Variants in KMT2D observed in about 807,000 individuals in gnomAD.
The protein encoded by KMT2D is lysine methyltransferase 2D.
Under a neutral mutation model 512.7 loss-of-function variants are expected in KMT2D, and 55 were observed. The observed-to-expected ratio is 0.11, with a 90% CI of 0.09 to 0.13. The LOEUF (loss-of-function observed/expected upper bound fraction) is 0.13, where lower values mean the gene tolerates loss of function less well. Among genes scored for constraint, KMT2D ranks in the 10% least tolerant of loss-of-function variants. KMT2D has a pLI of 1.00. For missense variants in KMT2D, 6,061 were observed against 7,127.9 expected (o/e 0.85, Z 5.39); for synonymous variants, 2,995 against 2,904.0 (o/e 1.03, Z -1.01).
chr12:49,019,222 A>C lies in KMT2D; in HGVS notation c.*2558T>G. The C allele has an allele frequency of 2.1e-6, 2 of 963,928 alleles. No individual in the cohort carries two copies. The highest frequency in any genetic ancestry group is 1.7e-5 in the African/African-American group (1 of 58,784). The allele number at this position is 963,928 out of a possible 1,614,324, so 59.7% of individuals were successfully genotyped here. On this transcript the variant is annotated 3_prime_UTR_variant, in exon 55 of 55. Transcript: ENST00000301067. ...TACAGGATACACACAACACAAAATA[A>C]AGTCTTCACGGGATTCACACTTGTC...
Position 49,032,152 on chromosome 12 carries a change from G to A in KMT2D, c.12553C>T (p.Leu4185=), listed in dbSNP as rs1008414443. The A allele has an allele frequency of 1.2e-6, 2 of 1,613,514 alleles. No homozygotes were observed. Among genetic ancestry groups the A allele is most frequent in the Non-Finnish European group, 1.7e-6 (2 of 1,179,574 alleles). ...PGPVLQSGQG[L]PGVGIMPTVG... ...GTAGGCATGATTCCAACCCCAGGCA[G>A]ACCCTGCCCAGACTGGAGGACAGGT... Residue 4185 remains leucine, a synonymous_variant, in exon 40 of 55, where the codon CTG becomes TTG. Coordinates refer to ENST00000301067, the MANE Select transcript of KMT2D (RefSeq NM_003482.4).
Position 49,032,015 on chromosome 12 carries a change from C to T in KMT2D, c.12690G>A (p.Gln4230=), listed in dbSNP as rs766040200. ...QQLQALLMQR[Q]LQQSQAVRQT... is the part of the protein sequence containing the mutation. ...GGCGTACTGCCTGACTCTGCTGCAG[C>T]TGCCGCTGCATGAGGAGTGCCTGTA... Residue 4230 remains glutamine, a synonymous_variant, in exon 40 of 55, where the codon CAG becomes CAA. Transcript: ENST00000301067. 6.2e-7 allele frequency: 1 copy of T among 1,608,036 alleles called. No individual in the cohort carries two copies. The highest frequency in any genetic ancestry group is 8.5e-7 in the Non-Finnish European group (1 of 1,176,166).
At position 49,022,611 on chromosome 12, in the gene KMT2D, C is replaced by G. The variant is rs1565753552; in HGVS notation, c.16317G>C (p.Arg5439=). The G allele has an allele frequency of 1.2e-6, 2 of 1,613,784 alleles. No homozygotes were observed. The highest frequency in any genetic ancestry group is 2.2e-5 in the South Asian group (2 of 91,072). ...ATACCTGCTCTTCGTAGATTTTCTC[C>G]CGCCGGTTGGCCACCTCGTTCCGAA... ...TIIRNEVANR[R]EKIYEEQNRG... The change falls in exon 52 of 55, where the codon CGG becomes CGC. Residue 5439 remains arginine (R), a synonymous_variant. Coordinates refer to ENST00000301067, the MANE Select transcript of KMT2D (RefSeq NM_003482.4). This position sits in a 1 kb window ranked among gnomAD's most constrained non-coding sequence, Gnocchi z 8.6.
Position 49,041,207 on chromosome 12 carries a change from C to A in KMT2D, c.6563G>T (p.Arg2188Leu), listed in dbSNP as rs541122919. 4 of 1,511,884 alleles carry A rather than the reference C, an allele frequency of 2.6e-6. No individual in the cohort carries two copies. In the Admixed American group the frequency reaches 7.0e-5, roughly 26 times the overall value. 93.7% of individuals were successfully genotyped at this position (1,511,884 alleles called of 1,614,324 possible). Residue 2188 changes from arginine (R) to leucine (L), a missense_variant, in exon 32 of 55, where the codon CGC (arginine) becomes CTC (leucine). Physicochemically the swap from Arg to Leu is moderately radical, Grantham distance 102. Coordinates refer to ENST00000301067, the MANE Select transcript of KMT2D (RefSeq NM_003482.4). This position sits in a 1 kb window ranked among gnomAD's most constrained non-coding sequence, Gnocchi z 5.4. Reference protein sequence around the residue: ...GLAPAYPLEPRFPTAPPTYPP... With the variant: ...GLAPAYPLEPLFPTAPPTYPP... ...ATAGGTGGGCGGTGCCGTGGGGAAG[C>A]GGGGCTCCAGGGGATAGGCAGGGGC...
rs1341571135 is a variant in KMT2D at position 49,033,743 on chromosome 12, A to G, written c.10962T>C (p.Gly3654=). The G allele has an allele frequency of 6.2e-7, 1 of 1,612,456 alleles. No individual in the cohort carries two copies. Among genetic ancestry groups the G allele is most frequent in the African/African-American group, 1.3e-5 (1 of 74,716 alleles). ...PQGPPGGQAG[G]LRLTPGGMAL... ...CCATACCCCCAGGGGTCAGGCGAAG[A>G]CCTCCGGCTTGCCCACCCGGAGGCC... The change falls in exon 40 of 55, where the codon GGT becomes GGC. Residue 3654 remains glycine, a synonymous_variant. Coordinates refer to ENST00000301067, the MANE Select transcript of KMT2D (RefSeq NM_003482.4).
intron 19 of KMT2D, among the ~76,000 whole-genome samples, chr12:49,045,313 G>A (rs758410137): frequency 6.6e-6 from 1 of 152,134 alleles, no homozygotes; most frequent in Non-Finnish European, 1.5e-5. Flanking sequence ...GCCATATCAC[G>A]ATGGAGATGT....
chr12:49,044,034 G>C lies in KMT2D; in HGVS notation c.5189-36C>G. 1 of 1,611,360 alleles carries C rather than the reference G, an allele frequency of 6.2e-7. No homozygotes were observed. On this transcript the variant is annotated intron_variant, in intron 22 of 54. Coordinates refer to ENST00000301067, the MANE Select transcript of KMT2D (RefSeq NM_003482.4). The surrounding 1 kb of genome is among the most constrained non-coding windows in gnomAD (Gnocchi z 6.4). ...AACGGAAGTGTCAGACTCGGGTTGAGAGCATGCTGCTCCCAACTTGCAGGG... is the reference window on the plus strand; with the variant it reads ...AACGGAAGTGTCAGACTCGGGTTGACAGCATGCTGCTCCCAACTTGCAGGG...
Position 49,050,559 on chromosome 12 carries a change from C to T in KMT2D, c.3029G>A (p.Gly1010Glu), listed in dbSNP as rs1161208972. 3 of 1,603,290 alleles carry T rather than the reference C, an allele frequency of 1.9e-6. No homozygotes were observed. The highest frequency in any genetic ancestry group is 1.1e-5 in the South Asian group (1 of 90,516). The change falls in exon 12 of 55, where the codon GGG (glycine) becomes GAG (glutamate). Residue 1010 changes from glycine (G) to glutamate (E), a missense_variant. By Grantham distance (98) the Gly-to-Glu change is moderately conservative (BLOSUM62 -2). Coordinates refer to ENST00000301067, the MANE Select transcript of KMT2D (RefSeq NM_003482.4). ...ILPPSPGSPV[G>E]PASPILMEPL... ...CTCCATCAGGATGGGAGAAGCCGGC[C>T]CCACTGGGGAGCCTGGAGATGGGGG...
Position 49,028,526 on chromosome 12 carries a change from C to G in KMT2D, c.14382+302G>C, listed in dbSNP as rs1421537683. On this transcript the variant is annotated intron_variant, in intron 46 of 54. Transcript: ENST00000301067. ...CAAAAGCCCGTTAATATTTTCAAAA[C>G]AGCTGACAGAGTCCCACCAAACATG... Among the ~76,000 whole-genome samples the G allele has an allele frequency of 2.0e-5, 3 of 152,190 alleles. No homozygotes were observed. In the East Asian group the frequency reaches 5.8e-4, roughly 29 times the overall value.
In KMT2D at chr12:49,019,338, T is replaced by C. The variant is rs1351238580; in HGVS notation, c.*2442A>G. 8.8e-6 allele frequency: 1 copy of C among 113,132 alleles called. No homozygotes were observed. The highest frequency in any genetic ancestry group is 1.6e-5 in the Non-Finnish European group (1 of 63,216). The allele number at this position is 113,132 out of a possible 1,614,324, so 7.0% of individuals were successfully genotyped here. On this transcript the variant is annotated 3_prime_UTR_variant, in exon 55 of 55. Coordinates refer to ENST00000301067, the MANE Select transcript of KMT2D (RefSeq NM_003482.4). ...ACTGAAAACTGAGTATGTGCGAGTG[T>C]AAACCAACCCAAAATACAAACACGG...
Position 49,032,519 on chromosome 12 carries a change from T to C in KMT2D, c.12186A>G (p.Pro4062=). 6.3e-7 allele frequency: 1 copy of C among 1,591,908 alleles called. No individual in the cohort carries two copies. Among genetic ancestry groups the C allele is most frequent in the Non-Finnish European group, 8.6e-7 (1 of 1,169,120 alleles). The change falls in exon 40 of 55, where the codon CCA becomes CCG. Residue 4062 remains proline (P), a synonymous_variant. Transcript: ENST00000301067. The part of the protein sequence containing the change: ...GTTPESMATE[P]GEVKPSLSGD... ...CAGAGAGTGAGGGCTTTACCTCTCC[T>C]GGTTCAGTGGCCATTGACTCAGGGG...
intron 25 of KMT2D, 49 bp downstream of exon 25, chr12:49,043,314 A>G (rs1310433249): frequency 6.3e-7 from 1 of 1,590,686 alleles, no homozygotes; most frequent in African/African-American, 1.3e-5. Flanking sequence ...GCAGAGGGAC[A>G]GAGGCAAGCA....
At position 49,027,924 on chromosome 12, in the gene KMT2D, T is replaced by C; in HGVS notation, c.14522A>G (p.Lys4841Arg). Reference sequence around the variant, plus strand: ...GCTCTTGCCTTCCAGACCCTTTTCCTTCCCACCTGCAGAAAGGAGTGGATC... The same window carrying C: ...GCTCTTGCCTTCCAGACCCTTTTCCCTCCCACCTGCAGAAAGGAGTGGATC... Reference protein sequence around the residue: ...KKGEAEGPGGKEKGLEGKSPD... With the variant: ...KKGEAEGPGGREKGLEGKSPD... The change falls in exon 48 of 55, where the codon AAG (lysine) becomes AGG (arginine). Residue 4841 changes from lysine (K) to arginine (R), a missense_variant. Lys to Arg is a conservative substitution (Grantham distance 26). This residue lies in a region of KMT2D where 1,600 missense variants were observed against 1,754.9 expected (regional missense o/e 0.91). Transcript: ENST00000301067. 1.9e-6 allele frequency: 3 copies of C among 1,613,982 alleles called. No homozygotes were observed. The highest frequency in any genetic ancestry group is 2.5e-6 in the Non-Finnish European group (3 of 1,179,890).
chr12:49,035,058 A>T, intron 35 of KMT2D, 123 bp from the exon 36 acceptor site: 1 of 1,233,226 alleles, frequency 8.1e-7, no homozygotes, highest in Non-Finnish European at 1.1e-6. Flanking sequence ...CAAGGCAGAA[A>T]GACCACTGAA....
Position 49,020,987 on chromosome 12 carries a change from C to G in KMT2D, c.*793G>C, listed in dbSNP as rs1310588416. The G allele has an allele frequency of 1.0e-5, 2 of 194,820 alleles. No individual in the cohort carries two copies. Among genetic ancestry groups the G allele is most frequent in the Non-Finnish European group, 2.1e-5 (2 of 93,456 alleles). 12.1% of individuals were successfully genotyped at this position (194,820 alleles called of 1,614,324 possible). A position where few individuals can be genotyped will look rare whatever the true frequency, so the allele number is the denominator to read the frequency against. ...GTTGTTGTTTTTCTTCCTCCTCCTA[C>G]CCCCCTTCCACCCACTCAGAAGAGG... is the stretch of plus-strand genomic sequence containing the variant. On this transcript the variant is annotated 3_prime_UTR_variant, in exon 55 of 55. Coordinates refer to ENST00000301067, the MANE Select transcript of KMT2D (RefSeq NM_003482.4).
rs1937897633 is a variant in KMT2D at position 49,050,546 on chromosome 12, G to A, written c.3042C>T (p.Pro1014=). 3.1e-6 allele frequency: 5 copies of A among 1,605,274 alleles called. No homozygotes were observed. The highest frequency in any genetic ancestry group is 3.4e-6 in the Non-Finnish European group (4 of 1,173,804). ...SPGSPVGPAS[P]ILMEPLPPQC... is the part of the protein sequence containing the mutation. ...GAGGAGGAAGGGGCTCCATCAGGATGGGAGAAGCCGGCCCCACTGGGGAGC... is the reference window on the plus strand; with the variant it reads ...GAGGAGGAAGGGGCTCCATCAGGATAGGAGAAGCCGGCCCCACTGGGGAGC... The change falls in exon 12 of 55, where the codon CCC becomes CCT. Residue 1014 remains proline, a synonymous_variant. Transcript: ENST00000301067.
intron 10 of KMT2D, 46 bp from the exon 11 acceptor site, chr12:49,052,470 C>T (rs770564304): frequency 6.4e-7 from 1 of 1,555,280 alleles, no homozygotes; most frequent in Non-Finnish European, 8.7e-7. Flanking sequence ...CAGATCTACT[C>T]CACAGAAAGT....
At chr12:49,055,483 C>T (rs964733660) in intron 1 of KMT2D, 122 bp from the exon 2 acceptor site, 16 of 614,504 alleles carry the variant, frequency 2.6e-5, no homozygotes, top group African/African-American at 2.0e-4. Flanking sequence ...ATACTACAAA[C>T]TCCTATACTG....
chr12:49,031,031 A>C lies in KMT2D; in HGVS notation c.13533T>G (p.Asp4511Glu), dbSNP rs1371741667. 1.2e-6 allele frequency: 2 copies of C among 1,613,684 alleles called. No individual in the cohort carries two copies. Among genetic ancestry groups the C allele is most frequent in the African/African-American group, 2.7e-5 (2 of 74,910 alleles). The stretch of plus-strand genomic sequence containing the variant: ...GTGTCAAAGGCTTCCTTGCTGCTGC[A>C]TCCTAAGCCAAATAAGCCCATTGAA... ...KLQGTPSNKE[D>E]AAARKPLTPK... Residue 4511 changes from aspartate (D) to glutamate (E), a missense_variant and splice_region_variant, in exon 41 of 55, where the codon GAT becomes GAG. Transcript: ENST00000301067.
Sources: allele counts gnomAD v4.1 joint callset (sites outside exome capture counted in the v4.1 genomes callset), GRCh38; gene constraint gnomAD v4.1.1; regional missense constraint gnomAD v4.1.1; non-coding constraint Gnocchi (gnomAD v3.1); transcripts MANE v1.5; gene names NCBI Gene and HGNC (gene_info 2026-07-23, HGNC 2026-07-21).